Variants in DLG2 observed in about 807,000 individuals in gnomAD.
The protein encoded by DLG2 is discs large MAGUK scaffold protein 2.
A neutral mutation model predicts 132.5 loss-of-function variants in DLG2; 45 were observed. The ratio of observed to expected loss-of-function variants is 0.34; its 90% confidence interval spans 0.27 to 0.44. The LOEUF is 0.44. Among genes scored for constraint, DLG2 ranks in the 20% least tolerant of loss-of-function variants. DLG2 has a pLI of 1.00. For synonymous variants in DLG2, 424 were observed against 419.6 expected (o/e 1.01, Z -0.13); for missense variants, 1,045 against 1,196.9 (o/e 0.87, Z 1.87).
chr11:84,059,212 C>T (rs1401077879), intron 11 of DLG2, 103 bp downstream of exon 11: 68 of 1,158,424 alleles, frequency 5.9e-5, no homozygotes, highest in Non-Finnish European at 8.1e-5. Context: ...TTGGTAAGCA[C>T]TGAATGTCAG....
chr11:84,300,752 C>CA (rs935241540), intron 7 of DLG2, among the ~76,000 whole-genome samples: 5 of 152,130 alleles, frequency 3.3e-5, no homozygotes, highest in African/African-American at 1.2e-4. Flanking sequence ...ATTACTATAG[C>CA]AATGTTCTTC....
intron 18 of DLG2, among the ~76,000 whole-genome samples, chr11:83,760,512 G>T (rs757865015): frequency 6.7e-6 from 1 of 149,140 alleles, no homozygotes; most frequent in South Asian, 2.1e-4. Flanking sequence ...CTGCCACCAC[G>T]CCCGGCTAAT....
chr11:85,322,710 C>T (rs1234027251), intron 3 of DLG2, among the ~76,000 whole-genome samples: 3 of 152,154 alleles, frequency 2.0e-5, no homozygotes, highest in Non-Finnish European at 4.4e-5. Flanking sequence ...CCACTGATCA[C>T]CCAGTTGCTC....
At chr11:84,518,892 C>T (rs2099283213) in intron 7 of DLG2, among the ~76,000 whole-genome samples, 1 of 152,038 alleles carries the variant, frequency 6.6e-6, no homozygotes, top group Non-Finnish European at 1.5e-5. Flanking sequence ...AAATACCAAC[C>T]ACATTTCTCT....
intron 3 of DLG2, among the ~76,000 whole-genome samples, chr11:85,391,461 A>G (rs2086791724): frequency 1.3e-5 from 2 of 152,210 alleles, no homozygotes; most frequent in South Asian, 4.1e-4. Flanking sequence ...CACTAATAGC[A>G]AAACCAGGAA....
At chr11:83,875,640 T>G (rs1417566583) in intron 15 of DLG2, among the ~76,000 whole-genome samples, 1 of 152,212 alleles carries the variant, frequency 6.6e-6, no homozygotes, top group Non-Finnish European at 1.5e-5. Flanking sequence ...AATTTTAGTT[T>G]ATAGTATTAG....
At chr11:84,221,149 A>C (rs943502321) in intron 8 of DLG2, among the ~76,000 whole-genome samples, 16 of 151,844 alleles carry the variant, frequency 1.1e-4, no homozygotes, top group African/African-American at 3.9e-4. Context: ...CAAACAAATC[A>C]AAACGCCTGT....
chr11:83,616,497 A>C (rs2060830621), intron 19 of DLG2, among the ~76,000 whole-genome samples: 1 of 142,596 alleles, frequency 7.0e-6, no homozygotes, highest in African/African-American at 3.1e-5. Context: ...ATTAAAAAAA[A>C]ATGTTTTTTT....
Position 83,874,507 on chromosome 11 carries a change from GA to G in DLG2, c.1497-20del. On this transcript the variant is annotated intron_variant, in intron 15 of 27. Transcript: ENST00000376104. ...GGAATGACTGCAAGAAAAGACAGAA[GA>G]AACACACATCATTTATTTATTTTTT... The G allele has an allele frequency of 6.4e-7, 1 of 1,568,590 alleles. No individual in the cohort carries two copies. The highest frequency in any genetic ancestry group is 8.7e-7 in the Non-Finnish European group (1 of 1,154,288).
intron 21 of DLG2, among the ~76,000 whole-genome samples, chr11:83,514,179 T>C (rs2140095537): frequency 1.3e-5 from 2 of 152,340 alleles, no homozygotes; most frequent in Admixed American, 1.3e-4. Context: ...TGTTCTTCCA[T>C]TTGTCTGTAT....
At chr11:84,573,555 G>T (rs2099491075) in intron 6 of DLG2, among the ~76,000 whole-genome samples, 1 of 151,882 alleles carries the variant, frequency 6.6e-6, no homozygotes. Context: ...AGATACTGCT[G>T]AGAAAAAAAA....
At chr11:84,106,951 AG>A (rs2092985486) in intron 9 of DLG2, among the ~76,000 whole-genome samples, 4 of 36,666 alleles carry the variant, frequency 1.1e-4, no homozygotes, top group Non-Finnish European at 2.2e-4. Flanking sequence ...TGTGAGAGAG[AG>A]AAAGAGAGAG....
chr11:84,721,693 A>G (rs368096509), intron 6 of DLG2, among the ~76,000 whole-genome samples: 11 of 152,342 alleles, frequency 7.2e-5, no homozygotes, highest in African/African-American at 2.6e-4. Context: ...GCCTGGCACT[A>G]TGCCTCACAG....
chr11:84,033,802 G>A (rs1458469681), intron 11 of DLG2, among the ~76,000 whole-genome samples: 1 of 152,156 alleles, frequency 6.6e-6, no homozygotes, highest in Non-Finnish European at 1.5e-5. Context: ...ACTTTGCGAG[G>A]CCCAGATGGG....
chr11:83,962,846 A>G (rs2089197624), intron 14 of DLG2, 39 bp downstream of exon 14: 1 of 1,605,894 alleles, frequency 6.2e-7, no homozygotes, highest in African/African-American at 1.3e-5. Context: ...TCTTTCTGGT[A>G]ATAAGAGCAA....
At chr11:85,137,644 G>A (rs528590668) in intron 5 of DLG2, among the ~76,000 whole-genome samples, 1 of 152,236 alleles carries the variant, frequency 6.6e-6, no homozygotes, top group South Asian at 2.1e-4. Flanking sequence ...ACCTTCCATA[G>A]CTTATAAGGG....
intron 2 of DLG2, among the ~76,000 whole-genome samples, chr11:85,616,472 T>C (rs549095826): frequency 1.3e-5 from 2 of 152,294 alleles, no homozygotes; most frequent in Admixed American, 1.3e-4. Flanking sequence ...TACCTAAATT[T>C]TCCCATTTCC....
At chr11:84,383,644 C>T (rs2098757000) in intron 7 of DLG2, among the ~76,000 whole-genome samples, 1 of 152,098 alleles carries the variant, frequency 6.6e-6, no homozygotes, top group African/African-American at 2.4e-5. Flanking sequence ...GTAGCTAAGG[C>T]ATCTTCCAGC....
chr11:83,792,852 G>C (rs1429595047), intron 17 of DLG2, among the ~76,000 whole-genome samples: 1 of 152,058 alleles, frequency 6.6e-6, no homozygotes, highest in Non-Finnish European at 1.5e-5. Flanking sequence ...GTCAAATTTT[G>C]ATAGGTATCG....
Sources: gnomAD v4.1 joint callset for allele counts (sites outside exome capture counted in the v4.1 genomes callset) on GRCh38, gnomAD v4.1.1 for gene constraint, MANE v1.5 for transcripts, NCBI Gene and HGNC (gene_info 2026-07-23, HGNC 2026-07-21) for gene names.